The following CELF2 variants were observed in gnomAD, a reference collection of about 807,000 sequenced individuals.
CELF2 encodes CUG triplet repeat RNA-binding protein 2.
CELF2 carries 8 observed loss-of-function variants against 62.6 expected under a neutral mutation model. The ratio of observed to expected loss-of-function variants is 0.13; its 90% CI spans 0.07 to 0.23. The LOEUF (loss-of-function observed/expected upper bound fraction) is 0.23, where lower values mean the gene tolerates loss of function less well. Ranked by LOEUF, CELF2 falls within the 10% of genes least tolerant of loss-of-function variation. The pLI is 1.00. For synonymous variants in CELF2, 258 were observed against 250.0 expected, an observed-to-expected ratio of 1.03 and a Z score of -0.30; for missense variants, 333 against 671.0, an observed-to-expected ratio of 0.50 and a Z score of 5.56.
At position 11,100,438 on chromosome 10, in the gene CELF2, A is replaced by G. The variant is rs150951077; in HGVS notation, c.75-65048A>G. ...TTGGTTACATGGATAAGTCCTTAAC[A>G]TGCGTTATTCATAGGTGAGAGGACA... is the stretch of plus-strand genomic sequence containing the variant. On this transcript the variant is annotated intron_variant, in intron 1 of 12. Transcript: ENST00000633077. Among the ~76,000 whole-genome samples, 1,280 of 152,082 alleles carry G rather than the reference A, an allele frequency of 8.4e-3. 23 individuals are homozygous for G. Among genetic ancestry groups the G allele is most frequent in the African/African-American group, 0.029 (1,187 of 41,488 alleles).
At chr10:10,965,331 T>C (rs747730411) in intron 2 of CELF2, among the ~76,000 whole-genome samples, 2 of 152,212 alleles carry the variant, frequency 1.3e-5, no homozygotes, top group Non-Finnish European at 1.5e-5. Flanking sequence ...AAATTCATTC[T>C]TGAGGCTATT....
chr10:10,916,230 G>A lies in CELF2; in HGVS notation c.54-3734G>A, dbSNP rs117828435. 5.6e-3 allele frequency among the ~76,000 whole-genome samples: 858 copies of A among 152,280 alleles called. 2 individuals are homozygous for A. The highest frequency in any genetic ancestry group is 7.1e-3 in the Non-Finnish European group (485 of 68,018). The stretch of plus-strand genomic sequence containing the variant: ...CACCTGAAAAGCTCCAGTGTTTGTC[G>A]ATTTGCTGGTCTCAAAAATGGTGAC... On this transcript the variant is annotated intron_variant, in intron 1 of 13. Transcript: ENST00000636488.
intron 1 of CELF2, among the ~76,000 whole-genome samples, chr10:11,047,357 C>T (rs1554797636): frequency 6.6e-6 from 1 of 152,108 alleles, no homozygotes; most frequent in Non-Finnish European, 1.5e-5. Flanking sequence ...GAAAGGGTCT[C>T]TATGGCAAAA....
At chr10:10,948,276 T>C (rs1220610929) in intron 2 of CELF2, 1 of 152,280 alleles carries the variant, frequency 6.6e-6, no homozygotes, top group East Asian at 1.9e-4. Flanking sequence ...GCATCTTCTC[T>C]AGCCCAGGAG....
chr10:10,832,798 A>C (rs963601316), intron 1 of CELF2, among the ~76,000 whole-genome samples: 6 of 152,288 alleles, frequency 3.9e-5, no homozygotes, highest in Admixed American at 3.9e-4. Flanking sequence ...CCCTGAGAAC[A>C]TGCATTCATT....
chr10:11,175,474 C>T (rs560765907), intron 2 of CELF2, among the ~76,000 whole-genome samples: 2 of 152,024 alleles, frequency 1.3e-5, no homozygotes, highest in African/African-American at 4.8e-5. Flanking sequence ...AATGCTAAAC[C>T]CTGGGATACT....
the CELF2 span, among the ~76,000 whole-genome samples, chr10:10,709,755 T>C: frequency 6.6e-6 from 1 of 152,210 alleles, no homozygotes; most frequent in Non-Finnish European, 1.5e-5. Context: ...GTTACATCCA[T>C]TAAGAAATGA....
At chr10:11,020,482 G>C (rs2058132909) in intron 1 of CELF2, among the ~76,000 whole-genome samples, 1 of 152,142 alleles carries the variant, frequency 6.6e-6, no homozygotes, top group Non-Finnish European at 1.5e-5. Flanking sequence ...TAAGTTGTAA[G>C]TTTTATTGCC....
At chr10:10,974,639 C>A (rs756262880) in intron 2 of CELF2, among the ~76,000 whole-genome samples, 8 of 152,182 alleles carry the variant, frequency 5.3e-5, no homozygotes, top group Non-Finnish European at 1.0e-4. Context: ...CTAAGCCATC[C>A]CCTCTGGTTA....
chr10:11,076,372 C>T (rs1353663698), intron 1 of CELF2, among the ~76,000 whole-genome samples: 2 of 152,148 alleles, frequency 1.3e-5, no homozygotes, highest in African/African-American at 2.4e-5. Flanking sequence ...TATGGGGGTG[C>T]ATTAGCATTG....
At chr10:11,005,293 A>AGAGG, upstream of CELF2, 2 of 1,547,794 alleles carry the variant, frequency 1.3e-6, no homozygotes, top group Non-Finnish European at 1.7e-6. The surrounding 1 kb of genome is among the most constrained non-coding windows in gnomAD (Gnocchi z 4.3). Flanking sequence ...AGAGAGAGAG[A>AGAGG]GGGAGGAGAG....
intron 1 of CELF2, among the ~76,000 whole-genome samples, chr10:10,804,543 A>C (rs1420846946): frequency 6.6e-6 from 1 of 152,260 alleles, no homozygotes; most frequent in African/African-American, 2.4e-5. Flanking sequence ...TTCAAAGGTC[A>C]GAGATGTTTT....
At chr10:11,036,303 T>C (rs2060938817) in intron 1 of CELF2, among the ~76,000 whole-genome samples, 1 of 152,266 alleles carries the variant, frequency 6.6e-6, no homozygotes, top group African/African-American at 2.4e-5. Flanking sequence ...TGTAACTTTG[T>C]TTAGAGGCTA....
At chr10:10,802,027 A>C (rs1362776637) in intron 1 of CELF2, among the ~76,000 whole-genome samples, 2 of 152,228 alleles carry the variant, frequency 1.3e-5, no homozygotes, top group Non-Finnish European at 2.9e-5. Flanking sequence ...TTTCACCAAA[A>C]GACATGCCAA....
chr10:11,151,474 C>T (rs538565373), intron 1 of CELF2, among the ~76,000 whole-genome samples: 3 of 152,090 alleles, frequency 2.0e-5, no homozygotes, highest in Non-Finnish European at 2.9e-5. Flanking sequence ...TGTCTTTTGG[C>T]AAGGCTGTGT....
chr10:10,525,254 A>G, the CELF2 span, among the ~76,000 whole-genome samples: 5,666 of 152,274 alleles, frequency 0.037, 338 homozygotes, highest in African/African-American at 0.13. Flanking sequence ...TTACTGAAAC[A>G]TTATACCCTA....
At chr10:10,786,975 T>C in the CELF2 span, among the ~76,000 whole-genome samples, 41 of 151,846 alleles carry the variant, frequency 2.7e-4, no homozygotes, top group South Asian at 8.3e-4. Context: ...GTTTTCATAG[T>C]GAACTCATCT....
chr10:10,735,159 T>C, the CELF2 span, among the ~76,000 whole-genome samples: 5 of 152,216 alleles, frequency 3.3e-5, no homozygotes, highest in Non-Finnish European at 5.9e-5. Context: ...CCATAGGAAA[T>C]GTTATCATAG....
intron 5 of CELF2, among the ~76,000 whole-genome samples, chr10:11,263,920 CAG>C (rs1465126995): frequency 2.0e-5 from 3 of 152,210 alleles, no homozygotes; most frequent in Non-Finnish European, 4.4e-5. Flanking sequence ...CCGAGTGACA[CAG>C]AGAGTGACAT....
Sources: gnomAD v4.1 joint callset for allele counts (sites outside exome capture counted in the v4.1 genomes callset) on GRCh38, gnomAD v4.1.1 for gene constraint, Gnocchi (gnomAD v3.1) non-coding constraint, MANE v1.5 for transcripts, NCBI Gene and HGNC (gene_info 2026-07-23, HGNC 2026-07-21) for gene names.